XKR6: variants seen among roughly 807,000 people sequenced by gnomAD.
XKR6 encodes the protein XK related 6, also known as XK-related protein 6.
XKR6 carries 22 observed loss-of-function variants against 56.7 expected under a neutral mutation model. The ratio of observed to expected loss-of-function variants is 0.39; its 90% confidence interval spans 0.28 to 0.55. The LOEUF is 0.55. XKR6 is among the 20% of genes least tolerant of loss of function. The pLI is 0.66. For missense variants in XKR6, 852 were observed against 889.0 expected, an observed-to-expected ratio of 0.96 and a Z score of 0.53; for synonymous variants, 524 against 387.8, an observed-to-expected ratio of 1.35 and a Z score of -4.13.
chr8:11,178,849 T>C (rs1286033277), intron 1 of XKR6, among the ~76,000 whole-genome samples: 4 of 151,300 alleles, frequency 2.6e-5, no homozygotes, highest in African/African-American at 9.7e-5. Flanking sequence ...TTTTTCTTTT[T>C]TTTAGAGACA....
At chr8:11,110,974 C>A (rs1204603186) in intron 1 of XKR6, among the ~76,000 whole-genome samples, 1 of 150,670 alleles carries the variant, frequency 6.6e-6, no homozygotes, top group African/African-American at 2.4e-5. Context: ...GTAGCTGGGA[C>A]TACAGGCGCC....
intron 1 of XKR6, chr8:11,137,688 A>T (rs890682139): frequency 2.0e-5 from 9 of 456,142 alleles, no homozygotes; most frequent in African/African-American, 1.8e-4. Context: ...AGCAGCGGAG[A>T]GTCTGCTGAA....
At chr8:11,192,319 C>T (rs529260206) in intron 1 of XKR6, among the ~76,000 whole-genome samples, 6 of 152,042 alleles carry the variant, frequency 3.9e-5, no homozygotes, top group Middle Eastern at 3.4e-3. Flanking sequence ...CCACCACGCC[C>T]GGCTAATTTT....
At chr8:11,130,139 G>C (rs1800030518) in intron 1 of XKR6, among the ~76,000 whole-genome samples, 1 of 152,140 alleles carries the variant, frequency 6.6e-6, no homozygotes, top group Non-Finnish European at 1.5e-5. Flanking sequence ...ACTAGACAGT[G>C]TTTGGCATTT....
intron 1 of XKR6, among the ~76,000 whole-genome samples, chr8:10,960,912 C>A (rs924393520): frequency 1.3e-5 from 2 of 152,076 alleles, no homozygotes; most frequent in African/African-American, 4.8e-5. Context: ...AGTAAACAAA[C>A]AATAAGAGCC....
intron 1 of XKR6, among the ~76,000 whole-genome samples, chr8:11,019,718 G>A (rs1264397600): frequency 6.6e-6 from 1 of 152,202 alleles, no homozygotes; most frequent in Non-Finnish European, 1.5e-5. Flanking sequence ...AGCCACACCT[G>A]CAGACACAGC....
At chr8:10,958,263 GT>G (rs1428559070) in intron 1 of XKR6, among the ~76,000 whole-genome samples, 1 of 152,256 alleles carries the variant, frequency 6.6e-6, no homozygotes, top group Non-Finnish European at 1.5e-5. Context: ...CGTTCTCTGT[GT>G]GCCATCTGTG....
Position 11,172,062 on chromosome 8 carries a change from GA to G in XKR6, c.764+28513del, listed in dbSNP as rs201729248. The stretch of plus-strand genomic sequence containing the variant: ...AGCAAGATCCCCTGTCAAAAAATAA[GA>G]AAAAAAAAAAAGTTACCCAGTCTCA... On this transcript the variant is annotated intron_variant, in intron 1 of 2. Transcript: ENST00000416569. Among the ~76,000 whole-genome samples, 436 of 135,130 alleles carry G rather than the reference GA, an allele frequency of 3.2e-3. 7 individuals carry two copies. Among genetic ancestry groups the G allele is most frequent in the South Asian group, 0.023 (95 of 4,222 alleles). 88.7% of individuals were successfully genotyped at this position (135,130 alleles called of 152,430 possible). A position where few individuals can be genotyped will look rare whatever the true frequency, so the allele number is the denominator to read the frequency against.
chr8:11,147,806 G>A (rs1167005669), intron 1 of XKR6, among the ~76,000 whole-genome samples: 2 of 152,170 alleles, frequency 1.3e-5, no homozygotes, highest in African/African-American at 4.8e-5. Context: ...CCAAGTGCTG[G>A]CAAGTATTAC....
intron 1 of XKR6, among the ~76,000 whole-genome samples, chr8:11,090,908 C>G (rs1486428357): frequency 1.0e-5 from 1 of 100,366 alleles, no homozygotes; most frequent in Non-Finnish European, 2.0e-5. Flanking sequence ...GAAATACTTG[C>G]AATCACCCCA....
intron 1 of XKR6, among the ~76,000 whole-genome samples, chr8:11,186,077 G>C (rs766214056): frequency 2.6e-5 from 4 of 152,166 alleles, no homozygotes; most frequent in African/African-American, 4.8e-5. Flanking sequence ...AGCTTGCCAA[G>C]TCCCGAATCA....
chr8:11,177,514 A>T (rs951739603), intron 1 of XKR6, among the ~76,000 whole-genome samples: 1 of 152,202 alleles, frequency 6.6e-6, no homozygotes, highest in Non-Finnish European at 1.5e-5. Flanking sequence ...AATTCAGAAC[A>T]TGACCGAATT....
intron 1 of XKR6, among the ~76,000 whole-genome samples, chr8:11,135,652 G>T (rs1049054054): frequency 2.6e-5 from 4 of 151,936 alleles, no homozygotes; most frequent in African/African-American, 7.3e-5. Flanking sequence ...CAGAAAATGG[G>T]TGAATTCATG....
Position 11,048,509 on chromosome 8 carries a change from C to G in XKR6, c.765-123679G>C, listed in dbSNP as rs371826971. Among the ~76,000 whole-genome samples the G allele has an allele frequency of 9.2e-5, 14 of 152,276 alleles. 1 individual carries two copies. In the East Asian group the frequency reaches 2.3e-3, roughly 25 times the overall value. On this transcript the variant is annotated intron_variant, in intron 1 of 2. Coordinates refer to ENST00000416569, the MANE Select transcript of XKR6 (RefSeq NM_173683.4). Reference sequence around the variant, plus strand: ...ATACCAGACAGCAAGGACACCTGAGCGTGTGTTAAAAATACAGGTTCCTGG... The same window carrying G: ...ATACCAGACAGCAAGGACACCTGAGGGTGTGTTAAAAATACAGGTTCCTGG...
chr8:11,053,715 G>A (rs1799612255), intron 1 of XKR6, among the ~76,000 whole-genome samples: 1 of 152,200 alleles, frequency 6.6e-6, no homozygotes, highest in Non-Finnish European at 1.5e-5. Flanking sequence ...AATTCCCACA[G>A]GGACCAAGAT....
intron 1 of XKR6, chr8:11,105,022 C>T (rs1446631572): frequency 6.6e-6 from 1 of 152,158 alleles, no homozygotes; most frequent in African/African-American, 2.4e-5. Flanking sequence ...CAATGTCTCC[C>T]ATCACACAGC....
At chr8:10,983,858 T>C (rs1797791585) in intron 1 of XKR6, among the ~76,000 whole-genome samples, 1 of 152,044 alleles carries the variant, frequency 6.6e-6, no homozygotes, top group African/African-American at 2.4e-5. Flanking sequence ...GGTTTCACCG[T>C]GTTAGCCAGG....
At chr8:11,134,494 G>C (rs986379158) in intron 1 of XKR6, among the ~76,000 whole-genome samples, 13 of 152,298 alleles carry the variant, frequency 8.5e-5, no homozygotes, top group Middle Eastern at 3.4e-3. Flanking sequence ...ACTCATTTCT[G>C]TCTCCTAGGC....
At chr8:11,066,218 G>A (rs1799974138) in intron 1 of XKR6, among the ~76,000 whole-genome samples, 1 of 152,176 alleles carries the variant, frequency 6.6e-6, no homozygotes, top group Non-Finnish European at 1.5e-5. Context: ...CAGAGTCCTG[G>A]ACAACCTTCT....
Sources: gnomAD v4.1 joint callset for allele counts (sites outside exome capture counted in the v4.1 genomes callset) on GRCh38, gnomAD v4.1.1 for gene constraint, MANE v1.5 for transcripts, NCBI Gene and HGNC (gene_info 2026-07-23, HGNC 2026-07-21) for gene names.